The following STARD13 variants were observed in gnomAD, a reference collection of about 807,000 sequenced individuals.
STARD13 encodes StAR related lipid transfer domain containing 13.
Under a neutral mutation model 106.4 loss-of-function variants are expected in STARD13, and 62 were observed. The ratio of observed to expected loss-of-function variants is 0.58; its 90% CI spans 0.48 to 0.72. STARD13 has a LOEUF of 0.72. Among genes scored for constraint, STARD13 ranks in the 30% least tolerant of loss-of-function variants. STARD13 has a pLI of 0.00. For synonymous variants in STARD13, 565 were observed against 553.0 expected (o/e 1.02, Z -0.31); for missense variants, 1,387 against 1,424.0 (o/e 0.97, Z 0.42).
chr13:33,547,072 T>C, the STARD13 span, among the ~76,000 whole-genome samples: 1 of 152,206 alleles, frequency 6.6e-6, no homozygotes, highest in South Asian at 2.1e-4. Flanking sequence ...TTATAAGGCT[T>C]TTAAGTATTC....
At chr13:33,450,212 C>T in the STARD13 span, among the ~76,000 whole-genome samples, 95 of 152,190 alleles carry the variant, frequency 6.2e-4, no homozygotes, top group African/African-American at 1.9e-3. Flanking sequence ...ATGATGTTGG[C>T]CGTGAGTTTG....
intron 1 of STARD13, among the ~76,000 whole-genome samples, chr13:33,282,357 G>T (rs1265793792): frequency 6.6e-6 from 1 of 152,132 alleles, no homozygotes; most frequent in Non-Finnish European, 1.5e-5. Flanking sequence ...AGATGAGCAA[G>T]TTTAGATTCA....
At chr13:33,574,913 C>CTTTT in the STARD13 span, among the ~76,000 whole-genome samples, 92 of 117,576 alleles carry the variant, frequency 7.8e-4, no homozygotes, top group East Asian at 2.7e-3. Flanking sequence ...TATGCATCTA[C>CTTTT]TTTTTTTTTT....
chr13:33,109,031 C>T (rs538022073), intron 12 of STARD13, among the ~76,000 whole-genome samples: 1 of 152,086 alleles, frequency 6.6e-6, no homozygotes. Flanking sequence ...GAAAAGTAAC[C>T]TTTAGTTTGC....
At chr13:33,305,506 T>C (rs1024524411) in intron 1 of STARD13, among the ~76,000 whole-genome samples, 12 of 152,224 alleles carry the variant, frequency 7.9e-5, no homozygotes, top group African/African-American at 2.9e-4. Flanking sequence ...CTATGAACTA[T>C]ACTAAATACT....
At chr13:33,640,963 C>T in the STARD13 span, among the ~76,000 whole-genome samples, 2 of 152,184 alleles carry the variant, frequency 1.3e-5, no homozygotes, top group Admixed American at 1.3e-4. Flanking sequence ...TACACAGGAG[C>T]CTTCAGAATG....
intron 1 of STARD13, among the ~76,000 whole-genome samples, chr13:33,314,937 G>T (rs1330995045): frequency 1.3e-5 from 2 of 152,090 alleles, no homozygotes; most frequent in Non-Finnish European, 2.9e-5. Context: ...TTAGGTTATA[G>T]AATGAGACAA....
At chr13:33,402,992 C>G in the STARD13 span, among the ~76,000 whole-genome samples, 1 of 152,266 alleles carries the variant, frequency 6.6e-6, no homozygotes, top group African/African-American at 2.4e-5. Context: ...AGCTGTCACA[C>G]TGGCCCTCTG....
At chr13:33,240,760 C>G (rs939223909) in intron 1 of STARD13, among the ~76,000 whole-genome samples, 4 of 151,594 alleles carry the variant, frequency 2.6e-5, no homozygotes, top group Admixed American at 6.6e-5. Context: ...TTAAGTTTAT[C>G]CTTAAGTATT....
chr13:33,110,121 G>A (rs773684104), intron 11 of STARD13, 31 bp from the exon 12 acceptor site: 14 of 1,602,442 alleles, frequency 8.7e-6, no homozygotes, highest in Admixed American at 5.1e-5. Context: ...AAGCTGAAGA[G>A]GTTGTCTGGG....
intron 1 of STARD13, among the ~76,000 whole-genome samples, chr13:33,198,085 T>C (rs1158331946): frequency 6.6e-6 from 1 of 152,122 alleles, no homozygotes; most frequent in African/African-American, 2.4e-5. Flanking sequence ...GGAGAATTGC[T>C]TGAACCCAGG....
chr13:33,185,892 G>A, intron 1 of STARD13: 1 of 1,614,196 alleles, frequency 6.2e-7, no homozygotes, highest in Non-Finnish European at 8.5e-7. Flanking sequence ...GCGCTGGAAT[G>A]TGTGGTTCAC....
intron 7 of STARD13, among the ~76,000 whole-genome samples, chr13:33,121,430 T>A (rs1478664085): frequency 3.3e-5 from 5 of 150,710 alleles, no homozygotes; most frequent in Non-Finnish European, 1.5e-5. Flanking sequence ...TAGCCAGGAG[T>A]GGTGGTGGGT....
chr13:33,432,027 C>CAAGGAACACCTTGT, the STARD13 span, among the ~76,000 whole-genome samples: 2 of 152,068 alleles, frequency 1.3e-5, no homozygotes, highest in African/African-American at 4.8e-5. Flanking sequence ...GTAGAGAAGT[C>CAAGGAACACCTTGT]AAGGAACACC....
At chr13:33,400,344 A>G in the STARD13 span, among the ~76,000 whole-genome samples, 448 of 152,298 alleles carry the variant, frequency 2.9e-3, 5 homozygotes, top group African/African-American at 0.01. Context: ...GTGTGAATAT[A>G]TATATGCCAC....
chr13:33,131,088 G>A (rs1878221009), intron 4 of STARD13, among the ~76,000 whole-genome samples: 1 of 152,190 alleles, frequency 6.6e-6, no homozygotes, highest in Non-Finnish European at 1.5e-5. Context: ...TGAATTTGCA[G>A]CCCCTGAGAG....
chr13:33,280,652 A>C (rs796540984), intron 1 of STARD13: 49 of 152,316 alleles, frequency 3.2e-4, no homozygotes, highest in African/African-American at 1.2e-3. Flanking sequence ...TGGACTTCCT[A>C]ACATTCCTAT....
chr13:33,350,188 A>G lies in STARD13; in HGVS notation c.124+102T>C. The G allele has an allele frequency of 8.2e-6, 11 of 1,347,496 alleles. 1 individual carries two copies. Among genetic ancestry groups the G allele is most frequent in the South Asian group, 5.3e-5 (3 of 56,514 alleles). The allele number at this position is 1,347,496 out of a possible 1,614,324, so 83.5% of individuals were successfully genotyped here. A position where few individuals can be genotyped will look rare whatever the true frequency, so the allele number is the denominator to read the frequency against. ...GCCCCGGCCTTGGGCTCTGAAACTC[A>G]TGCCCTGGAGCCCAGAGCAGAGGAG... On this transcript the variant is annotated intron_variant, in intron 1 of 1. Coordinates refer to the STARD13 transcript ENST00000439831.
chr13:33,545,736 C>T, the STARD13 span, among the ~76,000 whole-genome samples: 2 of 152,166 alleles, frequency 1.3e-5, no homozygotes, highest in African/African-American at 2.4e-5. Flanking sequence ...TCCCTCCTAT[C>T]GATTTTCTTG....
Sources: gnomAD v4.1 joint callset for allele counts (sites outside exome capture counted in the v4.1 genomes callset) on GRCh38, gnomAD v4.1.1 for gene constraint, MANE v1.5 for transcripts, NCBI Gene and HGNC (gene_info 2026-07-23, HGNC 2026-07-21) for gene names.